Variants in CTNND2 observed in about 807,000 individuals in gnomAD.
CTNND2 encodes the protein catenin delta-2.
Under a neutral mutation model 144.4 loss-of-function variants are expected in CTNND2, and 22 were observed. That is an observed-to-expected ratio of 0.15 (90% confidence interval 0.11 to 0.22). CTNND2 has a LOEUF of 0.22. Among genes scored for constraint, CTNND2 ranks in the 10% least tolerant of loss-of-function variants. CTNND2 has a pLI of 1.00. For synonymous variants in CTNND2, 751 were observed against 695.6 expected (o/e 1.08, Z -1.25); for missense variants, 1,353 against 1,618.8 (o/e 0.84, Z 2.82).
intron 10 of CTNND2, among the ~76,000 whole-genome samples, chr5:11,218,562 C>A (rs975348380): frequency 6.6e-6 from 1 of 152,028 alleles, no homozygotes. Context: ...TTCTCAGAAA[C>A]TAGGATTGAA....
At chr5:11,414,738 C>T (rs1001377406) in intron 3 of CTNND2, among the ~76,000 whole-genome samples, 1 of 152,216 alleles carries the variant, frequency 6.6e-6, no homozygotes, top group Non-Finnish European at 1.5e-5. Flanking sequence ...TTTTCTGCTT[C>T]TCCACCTCCT....
chr5:11,494,674 A>G (rs1769768691), intron 3 of CTNND2, among the ~76,000 whole-genome samples: 1 of 152,108 alleles, frequency 6.6e-6, no homozygotes, highest in Admixed American at 6.5e-5. Flanking sequence ...GGCTCCCAAT[A>G]CTTCTGATAG....
At chr5:11,715,500 T>G (rs1029298291) in intron 2 of CTNND2, among the ~76,000 whole-genome samples, 1 of 152,202 alleles carries the variant, frequency 6.6e-6, no homozygotes, top group African/African-American at 2.4e-5. Context: ...GTCAAGCCTT[T>G]TTAAGAAAGG....
At chr5:11,585,390 C>T (rs531845417) in intron 2 of CTNND2, among the ~76,000 whole-genome samples, 3 of 152,106 alleles carry the variant, frequency 2.0e-5, no homozygotes, top group East Asian at 1.9e-4. Context: ...AAAAAGAACA[C>T]TGTATATTTG....
chr5:11,393,740 T>C (rs1434987604), intron 6 of CTNND2, among the ~76,000 whole-genome samples: 4 of 152,200 alleles, frequency 2.6e-5, no homozygotes, highest in Non-Finnish European at 5.9e-5. Flanking sequence ...TTCTCGCTCT[T>C]GCAGCAGGGC....
At chr5:11,381,363 G>A (rs1396934608) in intron 7 of CTNND2, among the ~76,000 whole-genome samples, 1 of 152,130 alleles carries the variant, frequency 6.6e-6, no homozygotes, top group Admixed American at 6.5e-5. Flanking sequence ...GTTTAGCAAA[G>A]GCAGCATCAA....
intron 15 of CTNND2, chr5:11,083,763 C>T: frequency 3.3e-6 from 1 of 299,812 alleles, no homozygotes; most frequent in Non-Finnish European, 5.2e-6. Context: ...CGCAATGAGG[C>T]TGTGGATTCT....
At chr5:11,717,241 A>C (rs1251524187) in intron 2 of CTNND2, among the ~76,000 whole-genome samples, 2 of 152,010 alleles carry the variant, frequency 1.3e-5, no homozygotes, top group African/African-American at 2.4e-5. Context: ...AATGAGTTTC[A>C]CCTTACTCAC....
At chr5:11,127,123 T>C (rs1387969878) in intron 12 of CTNND2, among the ~76,000 whole-genome samples, 1 of 152,216 alleles carries the variant, frequency 6.6e-6, no homozygotes, top group Non-Finnish European at 1.5e-5. Context: ...AATTTTGGCA[T>C]ATAATTCTCC....
At chr5:11,329,793 C>T (rs1752894431) in intron 9 of CTNND2, among the ~76,000 whole-genome samples, 1 of 152,192 alleles carries the variant, frequency 6.6e-6, no homozygotes, top group African/African-American at 2.4e-5. Context: ...CGATTCTCAG[C>T]GCCATCCCCA....
chr5:11,771,892 G>T (rs1367495398), intron 1 of CTNND2, among the ~76,000 whole-genome samples: 1 of 152,154 alleles, frequency 6.6e-6, no homozygotes. Flanking sequence ...CACTGAAAAT[G>T]TTCACTCTGG....
At chr5:11,718,951 G>T (rs1786509322) in intron 2 of CTNND2, among the ~76,000 whole-genome samples, 1 of 152,126 alleles carries the variant, frequency 6.6e-6, no homozygotes, top group African/African-American at 2.4e-5. Context: ...AAGAGAGATG[G>T]CAAAGAGTAA....
intron 2 of CTNND2, among the ~76,000 whole-genome samples, chr5:11,677,868 T>C (rs1347299057): frequency 6.6e-6 from 1 of 152,178 alleles, no homozygotes; most frequent in Non-Finnish European, 1.5e-5. Context: ...AAAGGTGATG[T>C]GAATCTGATT....
chr5:11,470,980 A>ATATATATTT (rs1219093645), intron 3 of CTNND2, among the ~76,000 whole-genome samples: 18 of 91,536 alleles, frequency 2.0e-4, no homozygotes, highest in Admixed American at 3.5e-4. Context: ...ATATATATAT[A>ATATATATTT]TTTTTTTTTT....
intron 11 of CTNND2, among the ~76,000 whole-genome samples, chr5:11,160,771 T>G (rs910585138): frequency 1.3e-5 from 2 of 152,242 alleles, no homozygotes; most frequent in Admixed American, 1.3e-4. Context: ...CGATATATTT[T>G]AACGAAATGC....
At chr5:11,522,277 T>C (rs1442751777) in intron 3 of CTNND2, among the ~76,000 whole-genome samples, 1 of 152,212 alleles carries the variant, frequency 6.6e-6, no homozygotes, top group African/African-American at 2.4e-5. Context: ...CATGGTTTAG[T>C]AGAAAGGACC....
At chr5:11,235,549 T>C (rs1741529681) in intron 10 of CTNND2, among the ~76,000 whole-genome samples, 1 of 152,188 alleles carries the variant, frequency 6.6e-6, no homozygotes, top group African/African-American at 2.4e-5. Flanking sequence ...GCTGGGTGAT[T>C]CTCTTGAGGG....
intron 5 of CTNND2, among the ~76,000 whole-genome samples, chr5:11,403,275 T>C (rs1760788817): frequency 6.6e-6 from 1 of 152,130 alleles, no homozygotes; most frequent in South Asian, 2.1e-4. Flanking sequence ...ATTGTTCAAC[T>C]CCCACTTATG....
At chr5:11,267,342 C>A (rs1745545433) in intron 9 of CTNND2, among the ~76,000 whole-genome samples, 1 of 152,132 alleles carries the variant, frequency 6.6e-6, no homozygotes, top group Non-Finnish European at 1.5e-5. Context: ...TGGGGTTTGA[C>A]CTCATCAGTC....
Sources: gnomAD v4.1 joint callset for allele counts (sites outside exome capture counted in the v4.1 genomes callset) on GRCh38, gnomAD v4.1.1 for gene constraint, MANE v1.5 for transcripts, NCBI Gene and HGNC (gene_info 2026-07-23, HGNC 2026-07-21) for gene names.